TNS3: variants seen among roughly 807,000 people sequenced by gnomAD.
TNS3 encodes the protein tensin-3.
A neutral mutation model predicts 140.9 loss-of-function variants in TNS3; 45 were observed. The ratio of observed to expected loss-of-function variants is 0.32; its 90% confidence interval spans 0.25 to 0.41. TNS3 has a LOEUF of 0.41. TNS3 is among the 10% of genes least tolerant of loss of function. TNS3 has a pLI of 1.00. For missense variants in TNS3, 1,716 were observed against 1,906.7 expected, an observed-to-expected ratio of 0.90 and a Z score of 1.86; for synonymous variants, 815 against 788.4, an observed-to-expected ratio of 1.03 and a Z score of -0.56.
intron 2 of TNS3, among the ~76,000 whole-genome samples, chr7:47,528,612 C>T (rs1333433913): frequency 1.3e-5 from 2 of 152,104 alleles, no homozygotes; most frequent in Non-Finnish European, 2.9e-5. Flanking sequence ...ATATCTGGTA[C>T]CCAAGCTGGT....
chr7:47,466,015 A>G (rs1002993781), intron 4 of TNS3, among the ~76,000 whole-genome samples: 7 of 152,206 alleles, frequency 4.6e-5, no homozygotes, highest in African/African-American at 1.7e-4. Flanking sequence ...AGAATTGTGA[A>G]GAATAATTTC....
chr7:47,340,585 C>CTTTTTTCTTTTTT (rs1554297323), intron 20 of TNS3, among the ~76,000 whole-genome samples: 23 of 134,870 alleles, frequency 1.7e-4, no homozygotes, highest in Middle Eastern at 8.0e-3. Flanking sequence ...TCTTTTTTTT[C>CTTTTTTCTTTTTT]TTTTTTTTTT....
At chr7:47,350,513 C>T (rs1789603909) in intron 17 of TNS3, among the ~76,000 whole-genome samples, 1 of 152,146 alleles carries the variant, frequency 6.6e-6, no homozygotes, top group Admixed American at 6.5e-5. Context: ...GAGTCCTTGG[C>T]TACGGGGAAG....
At chr7:47,376,726 G>GACACAC (rs148067728) in intron 16 of TNS3, among the ~76,000 whole-genome samples, 1,773 of 144,314 alleles carry the variant, frequency 0.012, 22 homozygotes, top group African/African-American at 0.025. Context: ...TCTAGATCAA[G>GACACAC]ACACACACAC....
At chr7:47,511,706 C>A (rs1252011390) in intron 2 of TNS3, among the ~76,000 whole-genome samples, 1 of 152,082 alleles carries the variant, frequency 6.6e-6, no homozygotes, top group Non-Finnish European at 1.5e-5. Context: ...CTCCCAGGGG[C>A]TTCTGGCGAA....
intron 4 of TNS3, among the ~76,000 whole-genome samples, chr7:47,472,287 C>A (rs892041706): frequency 7.6e-4 from 115 of 152,222 alleles, no homozygotes; most frequent in African/African-American, 2.7e-3. Context: ...CACAACTCAA[C>A]CCCCTGTACC....
intron 20 of TNS3, among the ~76,000 whole-genome samples, chr7:47,320,416 G>A (rs1787665304): frequency 6.6e-6 from 1 of 152,212 alleles, no homozygotes; most frequent in East Asian, 1.9e-4. Flanking sequence ...CCACGAGTTG[G>A]GAGTATTAGT....
At chr7:47,493,425 G>A (rs759058792) in intron 3 of TNS3, among the ~76,000 whole-genome samples, 3 of 152,302 alleles carry the variant, frequency 2.0e-5, no homozygotes, top group Non-Finnish European at 4.4e-5. Flanking sequence ...CACAAAGGTA[G>A]GCACCAGAGA....
intron 1 of TNS3, among the ~76,000 whole-genome samples, chr7:47,575,740 G>A (rs763035565): frequency 5.3e-5 from 8 of 149,830 alleles, no homozygotes; most frequent in African/African-American, 9.9e-5. Context: ...GGAGAATGGC[G>A]TGAACCCGGG....
At chr7:47,466,333 A>G (rs943564121) in intron 4 of TNS3, among the ~76,000 whole-genome samples, 5 of 151,578 alleles carry the variant, frequency 3.3e-5, no homozygotes, top group African/African-American at 1.2e-4. Flanking sequence ...TTGTATTTTT[A>G]TAGAGATGGG....
chr7:47,486,041 TGTGTGA>T (rs1043619707), intron 3 of TNS3, among the ~76,000 whole-genome samples: 1 of 150,602 alleles, frequency 6.6e-6, no homozygotes, highest in African/African-American at 2.4e-5. Context: ...TGAGTGCAGG[TGTGTGA>T]GTGTGGGTGT....
chr7:47,455,482 C>A (rs972385670), intron 4 of TNS3, among the ~76,000 whole-genome samples: 27 of 152,090 alleles, frequency 1.8e-4, no homozygotes, highest in African/African-American at 6.3e-4. Flanking sequence ...CTGGAAACAA[C>A]AAGCAGAGAG....
chr7:47,409,295 T>G (rs374561417), intron 13 of TNS3, among the ~76,000 whole-genome samples: 1 of 149,490 alleles, frequency 6.7e-6, no homozygotes, highest in Non-Finnish European at 1.5e-5. Flanking sequence ...AGGAAGACCC[T>G]GCAGCTACCA....
intron 17 of TNS3, among the ~76,000 whole-genome samples, chr7:47,346,835 G>A (rs1255873716): frequency 6.6e-6 from 1 of 152,202 alleles, no homozygotes; most frequent in Admixed American, 6.5e-5. Context: ...TCTTAGCAAT[G>A]AGAAATTCTG....
rs1562766236 is a variant in TNS3, at chr7:47,293,704, C to A, written c.3772+29G>T. The stretch of plus-strand genomic sequence containing the variant: ...GAATCCAGGCCTCATGAGTTCAGAA[C>A]ATTGACAGCAACCTCTCAAGCAACT... On this transcript the variant is annotated intron_variant, in intron 25 of 30. Coordinates refer to ENST00000311160, the MANE Select transcript of TNS3 (RefSeq NM_022748.12). 5 of 1,603,946 alleles carry A rather than the reference C, an allele frequency of 3.1e-6. No individual in the cohort carries two copies. In the African/African-American group the frequency reaches 5.3e-5, roughly 17 times the overall value.
intron 21 of TNS3, among the ~76,000 whole-genome samples, 181 bp downstream of exon 21, chr7:47,304,651 C>G (rs530538575): frequency 6.6e-6 from 1 of 152,180 alleles, no homozygotes; most frequent in East Asian, 1.9e-4. Context: ...CACCTGTCCC[C>G]GGCGGTAGCA....
intron 1 of TNS3, among the ~76,000 whole-genome samples, chr7:47,577,943 C>A (rs1800712253): frequency 1.3e-5 from 2 of 151,312 alleles, no homozygotes; most frequent in African/African-American, 4.9e-5. Context: ...AGATCACAGA[C>A]ATAGAATCCT....
At chr7:47,320,151 G>A (rs754485989) in intron 20 of TNS3, among the ~76,000 whole-genome samples, 1 of 152,128 alleles carries the variant, frequency 6.6e-6, no homozygotes, top group African/African-American at 2.4e-5. Flanking sequence ...TATCTGCGCG[G>A]TGCTCAGTGG....
chr7:47,424,019 G>C, intron 10 of TNS3, 82 bp downstream of exon 10: 1 of 1,341,574 alleles, frequency 7.5e-7, no homozygotes, highest in Non-Finnish European at 1.1e-6. Flanking sequence ...TCGGGACAGA[G>C]GAGATGCCTC....
Sources: gnomAD v4.1 joint callset for allele counts (sites outside exome capture counted in the v4.1 genomes callset) on GRCh38, gnomAD v4.1.1 for gene constraint, MANE v1.5 for transcripts, NCBI Gene and HGNC (gene_info 2026-07-23, HGNC 2026-07-21) for gene names.